Variants in DCP1A observed in about 807,000 individuals in gnomAD.
DCP1A encodes the protein decapping mRNA 1A.
In DCP1A, 20 loss-of-function variants were observed where a neutral mutation model predicts 58.0. The observed-to-expected ratio is 0.34, with a 90% CI of 0.24 to 0.50. The LOEUF (loss-of-function observed/expected upper bound fraction) is 0.50. DCP1A is among the 20% of genes least tolerant of loss of function. DCP1A has a pLI of 0.98. For missense variants in DCP1A, 613 were observed against 712.2 expected, an observed-to-expected ratio of 0.86 and a Z score of 1.59; for synonymous variants, 285 against 275.1, an observed-to-expected ratio of 1.04 and a Z score of -0.36.
intron 3 of DCP1A, among the ~76,000 whole-genome samples, chr3:53,323,493 G>A (rs1470252802): frequency 6.6e-6 from 1 of 152,148 alleles, no homozygotes; most frequent in Non-Finnish European, 1.5e-5. Context: ...AAACACTGAA[G>A]TCCAAATACA....
At chr3:53,322,813 C>CT (rs1305800543) in intron 3 of DCP1A, among the ~76,000 whole-genome samples, 1,459 of 135,484 alleles carry the variant, frequency 0.011, 29 homozygotes, top group African/African-American at 0.034. Flanking sequence ...TGTTTGTTTG[C>CT]TTTTTTTTTT....
intron 6 of DCP1A, among the ~76,000 whole-genome samples, chr3:53,300,890 C>T (rs556057373): frequency 1.8e-4 from 28 of 152,212 alleles, no homozygotes; most frequent in East Asian, 1.5e-3. Context: ...TCAAGGGATC[C>T]GCCTGCCTCC....
intron 6 of DCP1A, 53 bp downstream of exon 6, chr3:53,304,124 T>G: frequency 2.9e-6 from 4 of 1,361,324 alleles, no homozygotes; most frequent in Non-Finnish European, 4.2e-6. Context: ...GAATCCTTAC[T>G]GAATGTTACT....
At chr3:53,332,298 A>AT (rs1344649889) in intron 3 of DCP1A, among the ~76,000 whole-genome samples, 1 of 152,122 alleles carries the variant, frequency 6.6e-6, no homozygotes, top group Non-Finnish European at 1.5e-5. Context: ...TGGCCCAATT[A>AT]TTTTATTTAT....
chr3:53,345,498 T>C (rs1389424703), intron 1 of DCP1A, among the ~76,000 whole-genome samples: 1 of 152,172 alleles, frequency 6.6e-6, no homozygotes, highest in Admixed American at 6.5e-5. Context: ...ACTGAAAGTA[T>C]ACCCTGCCTC....
Position 53,304,158 on chromosome 3 carries a change from G to C in DCP1A, c.624+19C>G. The C allele has an allele frequency of 6.5e-7, 1 of 1,545,890 alleles. No homozygotes were observed. The highest frequency in any genetic ancestry group is 1.4e-5 in the African/African-American group (1 of 72,996). ...CTCTTTGTTACTTAGGACAAAGCTA[G>C]AGCTTTAGCTGTACAAACCTTATCC... On this transcript the variant is annotated intron_variant, in intron 6 of 9. Transcript: ENST00000610213.
chr3:53,306,319 C>T (rs1342834575), intron 5 of DCP1A, among the ~76,000 whole-genome samples: 1 of 152,166 alleles, frequency 6.6e-6, no homozygotes, highest in Non-Finnish European at 1.5e-5. Flanking sequence ...TCACTATCAA[C>T]CATATCAACC....
rs782395545 is a variant in DCP1A, at chr3:53,288,203, T to A, written c.1530A>T (p.Thr510=). Reference sequence around the variant, plus strand: ...TCTCAAGGTCCGAAGATCTTGTAACTGTCTGCTGGAAAACACTTGGGGCCA... The same window carrying A: ...TCTCAAGGTCCGAAGATCTTGTAACAGTCTGCTGGAAAACACTTGGGGCCA... The part of the protein sequence containing the change: ...VLLAPSVFQQ[T]VTRSSDLERK... Residue 510 remains threonine (T), a synonymous_variant, in exon 9 of 10, where the codon ACA becomes ACT. Transcript: ENST00000610213. 7 of 1,614,036 alleles carry A rather than the reference T, an allele frequency of 4.3e-6. No individual in the cohort carries two copies. Among genetic ancestry groups the A allele is most frequent in the Non-Finnish European group, 1.7e-6 (2 of 1,179,898 alleles).
intron 8 of DCP1A, 131 bp from the exon 9 acceptor site, chr3:53,288,414 G>A: frequency 1.5e-6 from 1 of 665,934 alleles, no homozygotes; most frequent in South Asian, 1.9e-5. Context: ...TTGAGTTCAG[G>A]TAAACATTCA....
intron 4 of DCP1A, among the ~76,000 whole-genome samples, chr3:53,314,456 A>G (rs1310488151): frequency 6.6e-6 from 1 of 152,178 alleles, no homozygotes; most frequent in Non-Finnish European, 1.5e-5. Flanking sequence ...GAATAAGACC[A>G]AACATGAATT....
rs1553684787 is a variant in DCP1A, at chr3:53,284,079, CAAGA to C, written c.*3497_*3500del. The C allele has an allele frequency of 2.0e-5, 3 of 152,154 alleles. No homozygotes were observed. Among genetic ancestry groups the C allele is most frequent in the Non-Finnish European group, 4.4e-5 (3 of 68,038 alleles). The allele number at this position is 152,154 out of a possible 1,614,324, so 9.4% of individuals were successfully genotyped here. A position where few individuals can be genotyped will look rare whatever the true frequency, so the allele number is the denominator to read the frequency against. Reference sequence around the variant, plus strand: ...GCAACTGAAGAAAACTGAAGGGAGGCAAGAAAGAAAAACATACTCTGCAGCAAAC... The same window carrying C: ...GCAACTGAAGAAAACTGAAGGGAGGCAAGAAAAACATACTCTGCAGCAAAC... On this transcript the variant is annotated 3_prime_UTR_variant, in exon 10 of 10. Coordinates refer to ENST00000610213, the MANE Select transcript of DCP1A (RefSeq NM_018403.7).
At chr3:53,344,120 C>G (rs556386228) in intron 2 of DCP1A, among the ~76,000 whole-genome samples, 3 of 151,718 alleles carry the variant, frequency 2.0e-5, no homozygotes, top group Non-Finnish European at 4.4e-5. Context: ...GAAAGGCAAT[C>G]CTTATGAAGC....
intron 3 of DCP1A, among the ~76,000 whole-genome samples, chr3:53,327,305 T>C (rs974626224): frequency 7.2e-5 from 11 of 152,090 alleles, no homozygotes; most frequent in Non-Finnish European, 1.6e-4. Flanking sequence ...CAGGGTGTGG[T>C]GAGATCAGTG....
intron 6 of DCP1A, among the ~76,000 whole-genome samples, chr3:53,296,374 T>C (rs1553686776): frequency 6.6e-6 from 1 of 152,214 alleles, no homozygotes; most frequent in African/African-American, 2.4e-5. Flanking sequence ...CACAGCTGTC[T>C]GGTAATATTT....
At chr3:53,291,161 A>G (rs1706854438) in intron 7 of DCP1A, among the ~76,000 whole-genome samples, 1 of 114,962 alleles carries the variant, frequency 8.7e-6, no homozygotes, top group South Asian at 2.9e-4. Flanking sequence ...TGTCTCTTAT[A>G]AAAGCCAGAG....
chr3:53,302,094 A>G (rs565227470), intron 6 of DCP1A, among the ~76,000 whole-genome samples: 335 of 152,308 alleles, frequency 2.2e-3, no homozygotes, highest in African/African-American at 7.6e-3. Context: ...AAAGCTATAC[A>G]TGAGATAAAA....
chr3:53,312,151 C>T (rs1002271170), intron 5 of DCP1A, 90 bp downstream of exon 5: 4 of 1,410,024 alleles, frequency 2.8e-6, no homozygotes, highest in Admixed American at 2.5e-5. Flanking sequence ...TCCCTGGAGG[C>T]CAGCTTCCCT....
At chr3:53,308,950 A>C (rs1343672916) in intron 5 of DCP1A, among the ~76,000 whole-genome samples, 3 of 152,140 alleles carry the variant, frequency 2.0e-5, no homozygotes, top group African/African-American at 7.2e-5. Context: ...ACTGTTTTGC[A>C]ATTAAACTAA....
rs191099368 is a variant in DCP1A at position 53,329,323 on chromosome 3, T to C, written c.305-9850A>G. 2.6e-3 allele frequency: 1,020 copies of C among 398,538 alleles called. 3 individuals carry two copies. The highest frequency in any genetic ancestry group is 3.4e-3 in the Non-Finnish European group (763 of 226,014). 24.7% of individuals were successfully genotyped at this position (398,538 alleles called of 1,614,324 possible). On this transcript the variant is annotated intron_variant, in intron 3 of 9. Transcript: ENST00000610213. ...TCAACACTATGGAAATGAACCTCCCTACTTTTTCTAGTGATCTAATTTTCA... is the reference window on the plus strand; with the variant it reads ...TCAACACTATGGAAATGAACCTCCCCACTTTTTCTAGTGATCTAATTTTCA...
Sources: allele counts gnomAD v4.1 joint callset (sites outside exome capture counted in the v4.1 genomes callset), GRCh38; gene constraint gnomAD v4.1.1; transcripts MANE v1.5; gene names NCBI Gene and HGNC (gene_info 2026-07-23, HGNC 2026-07-21).